NT5C2: variants seen among roughly 807,000 people sequenced by gnomAD.
NT5C2 encodes the protein cytosolic purine 5'-nucleotidase.
Under a neutral mutation model 76.1 loss-of-function variants are expected in NT5C2, and 58 were observed. The ratio of observed to expected loss-of-function variants is 0.76; its 90% CI spans 0.62 to 0.95. NT5C2 has a LOEUF of 0.95. NT5C2 is among the 40% of genes least tolerant of loss of function. The pLI, the probability that NT5C2 is intolerant of heterozygous loss-of-function variation, is 0.00. For missense variants in NT5C2, 478 were observed against 690.3 expected (o/e 0.69, Z 3.45); for synonymous variants, 229 against 237.4 (o/e 0.96, Z 0.32).
intron 3 of NT5C2, among the ~76,000 whole-genome samples, chr10:103,167,830 C>T (rs932435138): frequency 1.3e-5 from 2 of 151,944 alleles, no homozygotes; most frequent in Non-Finnish European, 2.9e-5. Flanking sequence ...CGGGGTTTGC[C>T]ATGTTGCCCA....
intron 14 of NT5C2, 188 bp downstream of exon 14, chr10:103,093,784 T>G: frequency 1.8e-6 from 1 of 541,306 alleles, no homozygotes; most frequent in Non-Finnish European, 3.3e-6. Context: ...ATCAGATTCA[T>G]TAGGATATAC....
chr10:103,136,784 C>A (rs1296843745), intron 4 of NT5C2, among the ~76,000 whole-genome samples: 4 of 152,030 alleles, frequency 2.6e-5, no homozygotes, highest in Non-Finnish European at 5.9e-5. Flanking sequence ...ACCACCACAC[C>A]CAACTAATTT....
At chr10:103,109,948 AT>A (rs2072511198) in intron 4 of NT5C2, among the ~76,000 whole-genome samples, 1 of 152,246 alleles carries the variant, frequency 6.6e-6, no homozygotes, top group Admixed American at 6.5e-5. Flanking sequence ...GCAGGGCAGA[AT>A]TTCCCAAGTG....
intron 3 of NT5C2, among the ~76,000 whole-genome samples, chr10:103,163,736 G>T (rs2085550025): frequency 6.6e-6 from 1 of 151,374 alleles, no homozygotes; most frequent in Non-Finnish European, 1.5e-5. Flanking sequence ...TCAAATGTGG[G>T]CCAGGCATGG....
intron 4 of NT5C2, among the ~76,000 whole-genome samples, chr10:103,126,730 C>T (rs545804270): frequency 2.0e-5 from 3 of 152,190 alleles, no homozygotes; most frequent in South Asian, 2.1e-4. Context: ...CATATATAAA[C>T]TCATCTGTAC....
At position 103,097,315 on chromosome 10, in the gene NT5C2, G is replaced by C. The variant is rs750090430; in HGVS notation, c.747C>G (p.Thr249=). ...MKEVGKVFLA[T]NSDYKYTDKI... is the part of the protein sequence containing the mutation. ...CATCTGTATATTTATAGTCACTGTT[G>C]GTAGCAAGAAATACTTTCCCTACTT... is the stretch of plus-strand genomic sequence containing the variant. The change falls in exon 11 of 19, where the codon ACC becomes ACG. Residue 249 remains threonine, a synonymous_variant. Coordinates refer to ENST00000404739, the MANE Select transcript of NT5C2 (RefSeq NM_001351169.2). 4.3e-6 allele frequency: 7 copies of C among 1,613,174 alleles called. No homozygotes were observed. Among genetic ancestry groups the C allele is most frequent in the Non-Finnish European group, 5.9e-6 (7 of 1,179,384 alleles).
chr10:103,181,933 C>T (rs1031135437), intron 1 of NT5C2, among the ~76,000 whole-genome samples: 1 of 151,836 alleles, frequency 6.6e-6, no homozygotes, highest in African/African-American at 2.4e-5. Flanking sequence ...CTTCTCCCAC[C>T]CGGGAGGCGG....
At chr10:103,153,004 A>G (rs1341635613) in intron 3 of NT5C2, among the ~76,000 whole-genome samples, 3 of 152,228 alleles carry the variant, frequency 2.0e-5, no homozygotes, top group African/African-American at 7.2e-5. Flanking sequence ...TGATAAATAC[A>G]TTCTGCAGAA....
chr10:103,101,222 A>G lies in NT5C2; in HGVS notation c.481+13T>C. On this transcript the variant is annotated intron_variant, in intron 7 of 18. Coordinates refer to ENST00000404739, the MANE Select transcript of NT5C2 (RefSeq NM_001351169.2). The stretch of plus-strand genomic sequence containing the variant: ...GGAAAGCATCAGTATAAATAAGCAT[A>G]GAATGAATCTACCTGGTAGGTTGAA... The G allele has an allele frequency of 6.5e-7, 1 of 1,528,848 alleles. No homozygotes were observed. The highest frequency in any genetic ancestry group is 2.3e-5 in the East Asian group (1 of 44,420). The allele number at this position is 1,528,848 out of a possible 1,614,324, so 94.7% of individuals were successfully genotyped here.
intron 3 of NT5C2, among the ~76,000 whole-genome samples, chr10:103,144,652 A>G (rs1225799845): frequency 6.6e-6 from 1 of 152,220 alleles, no homozygotes; most frequent in African/African-American, 2.4e-5. Flanking sequence ...TCATTGCTAC[A>G]TATCCATCAA....
At chr10:103,100,080 CA>C in intron 8 of NT5C2, 61 bp from the exon 9 acceptor site, 1 of 1,140,760 alleles carries the variant, frequency 8.8e-7, no homozygotes, top group Non-Finnish European at 1.3e-6. Flanking sequence ...AAATATATAT[CA>C]AAAATTTCCC....
chr10:103,099,066 T>C, intron 9 of NT5C2, 82 bp from the exon 10 acceptor site: 1 of 1,080,500 alleles, frequency 9.3e-7, no homozygotes, highest in South Asian at 1.4e-5. Flanking sequence ...TGGTTTTTAC[T>C]AATCAACCCA....
intron 4 of NT5C2, among the ~76,000 whole-genome samples, chr10:103,107,533 C>T (rs746958376): frequency 1.3e-4 from 20 of 151,566 alleles, no homozygotes; most frequent in Non-Finnish European, 1.9e-4. Context: ...AAAAATTAGC[C>T]GGGTGTGGTG....
At chr10:103,126,628 T>TA (rs2076709961) in intron 4 of NT5C2, among the ~76,000 whole-genome samples, 1 of 151,956 alleles carries the variant, frequency 6.6e-6, no homozygotes, top group South Asian at 2.1e-4. Context: ...TCTAAAAAAC[T>TA]AAAAAACAAA....
chr10:103,118,295 GT>G (rs1290643694), intron 4 of NT5C2, among the ~76,000 whole-genome samples: 3 of 151,000 alleles, frequency 2.0e-5, no homozygotes, highest in Non-Finnish European at 4.4e-5. Context: ...GTCAAGTTCA[GT>G]TTAGTCTAAT....
chr10:103,136,737 A>G (rs574937111), intron 4 of NT5C2, among the ~76,000 whole-genome samples: 1 of 150,578 alleles, frequency 6.6e-6, no homozygotes, highest in Admixed American at 6.7e-5. Context: ...CGGTTCTCCC[A>G]CCTCAGCCTC....
intron 4 of NT5C2, among the ~76,000 whole-genome samples, chr10:103,125,574 T>C (rs1446534173): frequency 6.6e-6 from 1 of 152,198 alleles, no homozygotes; most frequent in African/African-American, 2.4e-5. Flanking sequence ...CACGAGGAGA[T>C]AATGTTAAGG....
At chr10:103,191,552 C>T (rs1185139026) in intron 1 of NT5C2, among the ~76,000 whole-genome samples, 1 of 152,108 alleles carries the variant, frequency 6.6e-6, no homozygotes, top group Non-Finnish European at 1.5e-5. Context: ...GATGTGATGT[C>T]TTCTGGTTAA....
At chr10:103,178,902 G>C (rs569691686) in intron 2 of NT5C2, among the ~76,000 whole-genome samples, 1 of 145,874 alleles carries the variant, frequency 6.9e-6, no homozygotes, top group Admixed American at 6.8e-5. Context: ...TCATTCCTCT[G>C]TTTCCTCTAC....
Sources: gnomAD v4.1 joint callset for allele counts (sites outside exome capture counted in the v4.1 genomes callset) on GRCh38, gnomAD v4.1.1 for gene constraint, MANE v1.5 for transcripts, NCBI Gene and HGNC (gene_info 2026-07-23, HGNC 2026-07-21) for gene names.